HTATIP2: variants seen among roughly 807,000 people sequenced by gnomAD.
The protein encoded by HTATIP2 is HIV-1 Tat interactive protein 2.
In HTATIP2, 26 loss-of-function variants were observed where a neutral mutation model predicts 24.7. The ratio of observed to expected loss-of-function variants is 1.05; its 90% CI spans 0.77 to 1.46. The LOEUF (loss-of-function observed/expected upper bound fraction) is 1.46. HTATIP2 is among the 40% of genes most tolerant of loss of function. The pLI, the probability that HTATIP2 is intolerant of heterozygous loss-of-function variation, is 0.00. For missense variants in HTATIP2, 284 were observed against 289.6 expected, an observed-to-expected ratio of 0.98 and a Z score of 0.14; for synonymous variants, 99 against 113.2, an observed-to-expected ratio of 0.87 and a Z score of 0.79.
rs116605341 is a variant in HTATIP2 at position 20,365,283 on chromosome 11, C to G, written c.195+851C>G. On this transcript the variant is annotated intron_variant, in intron 1 of 4. Coordinates refer to ENST00000451739, the MANE Select transcript of HTATIP2 (RefSeq NM_001098522.2). ...CGATTACAGGCGTGAGCCACCGCGC[C>G]CAGCCTAAGTTACACTTTTATGATT... Among the ~76,000 whole-genome samples, 1,488 of 152,280 alleles carry G rather than the reference C, an allele frequency of 9.8e-3. 26 individuals carry two copies. The highest frequency in any genetic ancestry group is 0.034 in the African/African-American group (1,415 of 41,550).
intron 2 of HTATIP2, among the ~76,000 whole-genome samples, chr11:20,370,165 G>A (rs2064756401): frequency 2.0e-5 from 3 of 152,190 alleles, no homozygotes. Context: ...GCATTGGGGT[G>A]TATTAATTCC....
Position 20,363,740 on chromosome 11 carries a change from A to T in HTATIP2, c.-498A>T, listed in dbSNP as rs908779610. On this transcript the variant is annotated 5_prime_UTR_variant, in exon 1 of 5. Transcript: ENST00000451739. ...GCGTCGCCGCGAGGCCACCCGGAAG[A>T]CCAAGCCGGGTAGGCGCTGTCTCCG... is the stretch of plus-strand genomic sequence containing the variant. 1.6e-6 allele frequency: 2 copies of T among 1,233,490 alleles called. No homozygotes were observed. Among genetic ancestry groups the T allele is most frequent in the Admixed American group, 8.5e-5 (2 of 23,586 alleles). 76.4% of individuals were successfully genotyped at this position (1,233,490 alleles called of 1,614,324 possible).
chr11:20,382,956 C>CT lies in HTATIP2; in HGVS notation c.504-8dup, dbSNP rs201853886. ...ACCACCTCTTCCTCTGCTTTTCTTT[C>CT]TTTTTTTTTTTTTTTTATTTTAGAG... is the stretch of plus-strand genomic sequence containing the variant. On this transcript the variant is annotated intron_variant, in intron 4 of 4. Coordinates refer to ENST00000451739, the MANE Select transcript of HTATIP2 (RefSeq NM_001098522.2). The CT allele has an allele frequency of 1.0e-4, 127 of 1,257,216 alleles. No individual in the cohort carries two copies. The African/African-American group carries it at 1.5e-3, about 15-fold the overall frequency. 77.9% of individuals were successfully genotyped at this position (1,257,216 alleles called of 1,614,324 possible). A position where few individuals can be genotyped will look rare whatever the true frequency, so the allele number is the denominator to read the frequency against.
At chr11:20,373,064 C>T (rs780570474) in intron 2 of HTATIP2, among the ~76,000 whole-genome samples, 2 of 152,152 alleles carry the variant, frequency 1.3e-5, no homozygotes, top group Non-Finnish European at 2.9e-5. Context: ...TTTGTGAAAT[C>T]GTTTTGGATT....
chr11:20,376,987 G>C (rs915684832), intron 3 of HTATIP2, among the ~76,000 whole-genome samples: 3 of 152,162 alleles, frequency 2.0e-5, no homozygotes, highest in African/African-American at 7.2e-5. Flanking sequence ...CTTAGCATTG[G>C]AAGAGACTTG....
rs759684347 is a variant in HTATIP2, at chr11:20,364,380, C to T, written c.143C>T (p.Thr48Met). ...GAGCAGGGCCTGTTTTCCAAAGTCACGCTCATTGGCCGGAGGAAGCTCACC... is the reference window on the plus strand; with the variant it reads ...GAGCAGGGCCTGTTTTCCAAAGTCATGCTCATTGGCCGGAGGAAGCTCACC... ...ILEQGLFSKV[T>M]LIGRRKLTFD... Residue 48 changes from threonine to methionine, a missense_variant, in exon 1 of 5, where the codon ACG (threonine) becomes ATG (methionine). By Grantham distance (81) the Thr-to-Met change is moderately conservative (BLOSUM62 -1). Transcript: ENST00000451739. The T allele has an allele frequency of 1.2e-6, 2 of 1,612,024 alleles. No homozygotes were observed. The highest frequency in any genetic ancestry group is 1.7e-6 in the Non-Finnish European group (2 of 1,178,494).
intron 3 of HTATIP2, among the ~76,000 whole-genome samples, chr11:20,381,673 A>G (rs1460814195): frequency 6.6e-6 from 1 of 152,058 alleles, no homozygotes; most frequent in African/African-American, 2.4e-5. Context: ...CCTGCCATGA[A>G]AATGCATGCT....
intron 2 of HTATIP2, among the ~76,000 whole-genome samples, chr11:20,370,861 G>C (rs2064765814): frequency 6.6e-6 from 1 of 152,144 alleles, no homozygotes; most frequent in Admixed American, 6.5e-5. Flanking sequence ...GTGTTAGCCA[G>C]GATGGTCTCG....
At chr11:20,367,365 C>T (rs774902834) in intron 2 of HTATIP2, 84 bp downstream of exon 2, 13 of 1,603,254 alleles carry the variant, frequency 8.1e-6, no homozygotes, top group Non-Finnish European at 1.1e-5. Context: ...TTCTTTGTGC[C>T]TGTTGCAATG....
chr11:20,376,265 T>A, intron 2 of HTATIP2: 1 of 315,164 alleles, frequency 3.2e-6, no homozygotes, highest in Non-Finnish European at 5.8e-6. Flanking sequence ...AAAGTCTGGC[T>A]TAAAAGTAGT....
Position 20,363,781 on chromosome 11 carries a change from C to A in HTATIP2, c.-457C>A. ...GCTGTCTCCGTCGCCTCCAACCCCC[C>A]CGGTCCGACCAGGGAAGGTGGGATG... On this transcript the variant is annotated 5_prime_UTR_variant, in exon 1 of 5. Transcript: ENST00000451739. 1.6e-6 allele frequency: 2 copies of A among 1,240,968 alleles called. No individual in the cohort carries two copies. The highest frequency in any genetic ancestry group is 4.2e-5 in the Admixed American group (1 of 23,684). The allele number at this position is 1,240,968 out of a possible 1,614,324, so 76.9% of individuals were successfully genotyped here. A position where few individuals can be genotyped will look rare whatever the true frequency, so the allele number is the denominator to read the frequency against.
chr11:20,371,767 A>C (rs2064774905), intron 2 of HTATIP2, among the ~76,000 whole-genome samples: 1 of 152,168 alleles, frequency 6.6e-6, no homozygotes, highest in South Asian at 2.1e-4. Context: ...GAAACACAGA[A>C]GAAAGAATAT....
At chr11:20,371,382 C>T (rs547477164) in intron 2 of HTATIP2, among the ~76,000 whole-genome samples, 5 of 152,212 alleles carry the variant, frequency 3.3e-5, no homozygotes, top group Non-Finnish European at 4.4e-5. Flanking sequence ...GACCAGTGAA[C>T]CCACCTTCCT....
intron 3 of HTATIP2, among the ~76,000 whole-genome samples, chr11:20,378,871 G>A (rs188959565): frequency 1.3e-5 from 2 of 152,038 alleles, no homozygotes; most frequent in Admixed American, 1.3e-4. Flanking sequence ...AACCCTGTCT[G>A]TACTAAAAAT....
Position 20,382,211 on chromosome 11 carries a change from TTTGATCG to T in HTATIP2, c.478_484del (p.Asp160ThrfsTer43). 6.3e-7 allele frequency: 1 copy of T among 1,593,350 alleles called. No homozygotes were observed. The highest frequency in any genetic ancestry group is 8.6e-7 in the Non-Finnish European group (1 of 1,161,204). ...AGAAGCCAAGGTTGAAGAATTAAAATTTGATCGTTACTCTGTATTTAGGCCTGGGTAA... is the reference window on the plus strand; with the variant it reads ...AGAAGCCAAGGTTGAAGAATTAAAATTTACTCTGTATTTAGGCCTGGGTAA... On this transcript the variant is annotated frameshift_variant, in exon 4 of 5. Coordinates refer to ENST00000451739, the MANE Select transcript of HTATIP2 (RefSeq NM_001098522.2). LOFTEE classifies it high-confidence loss of function.
chr11:20,367,557 C>T, intron 2 of HTATIP2: 1 of 1,414,318 alleles, frequency 7.1e-7, no homozygotes, highest in South Asian at 1.6e-5. Flanking sequence ...TCACTACATC[C>T]CCTGACTAAG....
chr11:20,382,566 CA>C (rs778181926), intron 4 of HTATIP2, among the ~76,000 whole-genome samples: 24 of 152,134 alleles, frequency 1.6e-4, no homozygotes, highest in Non-Finnish European at 1.9e-4. Context: ...GTGTCTTAAA[CA>C]ACAGAAATTT....
intron 3 of HTATIP2, among the ~76,000 whole-genome samples, chr11:20,380,228 G>A (rs949064515): frequency 6.6e-6 from 1 of 152,200 alleles, no homozygotes; most frequent in Non-Finnish European, 1.5e-5. Context: ...TTATCAGATA[G>A]GGAATGGTGG....
chr11:20,381,258 G>A (rs1848517741), intron 3 of HTATIP2, among the ~76,000 whole-genome samples: 2 of 152,016 alleles, frequency 1.3e-5, no homozygotes. Context: ...GGTCAACATG[G>A]TGACAACCCC....
Sources: gnomAD v4.1 joint callset for allele counts (sites outside exome capture counted in the v4.1 genomes callset) on GRCh38, gnomAD v4.1.1 for gene constraint, MANE v1.5 for transcripts, NCBI Gene and HGNC (gene_info 2026-07-23, HGNC 2026-07-21) for gene names.